Variants in GYS2 observed in about 807,000 individuals in gnomAD.
GYS2 encodes glycogen [starch] synthase, liver.
A neutral mutation model predicts 85.6 loss-of-function variants in GYS2; 80 were observed. That is an observed-to-expected ratio of 0.93 (90% confidence interval 0.78 to 1.13). The LOEUF is 1.13. GYS2 is among the 50% of genes most tolerant of loss of function. The pLI, the probability that GYS2 is intolerant of heterozygous loss-of-function variation, is 0.00. For missense variants in GYS2, 881 were observed against 854.9 expected (o/e 1.03, Z -0.38); for synonymous variants, 328 against 300.7 (o/e 1.09, Z -0.94).
intron 11 of GYS2, 23 bp from the exon 12 acceptor site, chr12:21,546,493 TAAAA>T (rs749879849): frequency 3.9e-6 from 6 of 1,527,448 alleles, no homozygotes; most frequent in Non-Finnish European, 5.4e-6. Flanking sequence ...AATTCTAATT[TAAAA>T]AAAAAGAAAA....
intron 1 of GYS2, among the ~76,000 whole-genome samples, chr12:21,584,339 G>C (rs922836323): frequency 6.7e-6 from 1 of 149,920 alleles, no homozygotes; most frequent in African/African-American, 2.4e-5. Flanking sequence ...TCTATGATTA[G>C]TCAAAAACTA....
chr12:21,573,113 A>G (rs1944404909), intron 4 of GYS2, among the ~76,000 whole-genome samples: 1 of 152,212 alleles, frequency 6.6e-6, no homozygotes, highest in African/African-American at 2.4e-5. Flanking sequence ...AGGGCTCATC[A>G]GGACCACTCA....
At chr12:21,535,943 A>G (rs1042600729), downstream of GYS2, among the ~76,000 whole-genome samples, 1 of 152,220 alleles carries the variant, frequency 6.6e-6, no homozygotes, top group African/African-American at 2.4e-5. Flanking sequence ...CTCTATGCAC[A>G]TCACAGAATA....
At chr12:21,581,416 C>G (rs1384350686) in intron 1 of GYS2, among the ~76,000 whole-genome samples, 1 of 152,124 alleles carries the variant, frequency 6.6e-6, no homozygotes, top group Non-Finnish European at 1.5e-5. Context: ...TTCTGATGAC[C>G]AGTGCATGCA....
chr12:21,594,561 C>T (rs533010730), intron 1 of GYS2, among the ~76,000 whole-genome samples: 6 of 152,024 alleles, frequency 3.9e-5, no homozygotes, highest in Admixed American at 2.0e-4. Flanking sequence ...AACCTCTATT[C>T]GGAAAACTAC....
At chr12:21,582,588 T>TATAGAG (rs1224243532) in intron 1 of GYS2, among the ~76,000 whole-genome samples, 3 of 131,008 alleles carry the variant, frequency 2.3e-5, no homozygotes, top group Admixed American at 1.7e-4. Flanking sequence ...TAGAGATAGA[T>TATAGAG]ATAGAGATAG....
At chr12:21,534,725 G>A (rs184164689), downstream of GYS2, among the ~76,000 whole-genome samples, 3 of 152,096 alleles carry the variant, frequency 2.0e-5, no homozygotes, top group South Asian at 6.2e-4. Flanking sequence ...TGAATTTGGG[G>A]GGCACACAAA....
Position 21,597,639 on chromosome 12 carries a change from T to C in GYS2, c.121+6833A>G, listed in dbSNP as rs118068340. 8.4e-3 allele frequency among the ~76,000 whole-genome samples: 1,276 copies of C among 152,216 alleles called. 10 individuals carry two copies. Among genetic ancestry groups the C allele is most frequent in the Non-Finnish European group, 0.013 (895 of 67,958 alleles). ...TATAGCCACTATGGAAAACAATATG[T>C]AGATTTACCAAAAAGCTAAAAATTG... On this transcript the variant is annotated intron_variant, in intron 1 of 15. Coordinates refer to ENST00000261195, the MANE Select transcript of GYS2 (RefSeq NM_021957.4).
intron 1 of GYS2, among the ~76,000 whole-genome samples, chr12:21,584,489 T>C (rs546540771): frequency 6.6e-6 from 1 of 152,126 alleles, no homozygotes. Context: ...CATCGTCCAA[T>C]GGACCCATGA....
chr12:21,576,656 A>G (rs1944450619), intron 2 of GYS2, among the ~76,000 whole-genome samples: 1 of 152,220 alleles, frequency 6.6e-6, no homozygotes, highest in African/African-American at 2.4e-5. Flanking sequence ...AACTCAAAGT[A>G]TAATTCTATT....
At chr12:21,555,212 T>C (rs776510944) in intron 11 of GYS2, among the ~76,000 whole-genome samples, 1 of 152,160 alleles carries the variant, frequency 6.6e-6, no homozygotes, top group Non-Finnish European at 1.5e-5. Flanking sequence ...TTAAACTATA[T>C]GAGAATGAGG....
chr12:21,540,683 A>G, intron 13 of GYS2, 110 bp from the exon 14 acceptor site: 1 of 897,066 alleles, frequency 1.1e-6, no homozygotes, highest in East Asian at 2.5e-5. Context: ...TGCATTATCT[A>G]CCCCCTGACT....
intron 5 of GYS2, among the ~76,000 whole-genome samples, chr12:21,565,303 C>T (rs1944304679): frequency 6.7e-6 from 1 of 148,320 alleles, no homozygotes; most frequent in South Asian, 2.1e-4. Flanking sequence ...GTAAATATTC[C>T]CATCATGACT....
At chr12:21,533,247 C>T (rs988485095), downstream of GYS2, among the ~76,000 whole-genome samples, 8 of 152,136 alleles carry the variant, frequency 5.3e-5, no homozygotes, top group African/African-American at 1.9e-4. Context: ...CTTTGTTTTC[C>T]AGTAGTTGCC....
intron 4 of GYS2, among the ~76,000 whole-genome samples, chr12:21,573,327 A>T (rs904042864): frequency 3.3e-5 from 5 of 152,182 alleles, no homozygotes; most frequent in African/African-American, 1.2e-4. Context: ...AATTTTCCTG[A>T]TAGCAAAACT....
intron 1 of GYS2, among the ~76,000 whole-genome samples, chr12:21,583,389 C>A (rs1944534258): frequency 1.3e-5 from 2 of 152,136 alleles, no homozygotes; most frequent in African/African-American, 4.8e-5. Flanking sequence ...ATTTTGGAGG[C>A]AACATATTCC....
rs998437432 is a variant in GYS2 at position 21,540,640 on chromosome 12, A to AT, written c.1646-68dup. 7 of 1,361,466 alleles carry AT rather than the reference A, an allele frequency of 5.1e-6. No individual in the cohort carries two copies. The African/African-American group carries it at 8.6e-5, about 17-fold the overall frequency. The allele number at this position is 1,361,466 out of a possible 1,614,324, so 84.3% of individuals were successfully genotyped here. On this transcript the variant is annotated intron_variant, in intron 13 of 15. Transcript: ENST00000261195. The stretch of plus-strand genomic sequence containing the variant: ...AACCTTAAACATTTGTTCTCCTGTG[A>AT]TTTACTAACTCTTTGGTTCCATCAA...
rs766647441 is a variant in GYS2, at chr12:21,540,434, A to C, written c.1785T>G (p.Leu595=). 1 of 1,614,072 alleles carries C rather than the reference A, an allele frequency of 6.2e-7. No individual in the cohort carries two copies. The highest frequency in any genetic ancestry group is 8.5e-7 in the Non-Finnish European group (1 of 1,179,964). Residue 595 remains leucine (L), a synonymous_variant, in exon 14 of 16, where the codon CTT becomes CTG. Coordinates refer to ENST00000261195, the MANE Select transcript of GYS2 (RefSeq NM_021957.4). Reference sequence around the variant, plus strand: ...CTCTGCCTAAGTATCTCCAATCCAGAAGATCTGAGAGCCTCTCAGTTCTGT... The same window carrying C: ...CTCTGCCTAAGTATCTCCAATCCAGCAGATCTGAGAGCCTCTCAGTTCTGT... The part of the protein sequence containing the change: ...QRNRTERLSD[L]LDWRYLGRYY...
intron 6 of GYS2, 30 bp downstream of exon 6, chr12:21,563,195 ACTT>A: frequency 7.5e-7 from 1 of 1,327,226 alleles, no homozygotes; most frequent in South Asian, 1.2e-5. Flanking sequence ...CATATCTGAT[ACTT>A]CTTTTTCTTT....
Sources: gnomAD v4.1 joint callset for allele counts (sites outside exome capture counted in the v4.1 genomes callset) on GRCh38, gnomAD v4.1.1 for gene constraint, MANE v1.5 for transcripts, NCBI Gene and HGNC (gene_info 2026-07-23, HGNC 2026-07-21) for gene names.